Variants in PRRX2 observed in about 807,000 individuals in gnomAD.
PRRX2 encodes the protein paired mesoderm homeobox protein 2.
PRRX2 carries 11 observed loss-of-function variants against 18.0 expected under a neutral mutation model. That is an observed-to-expected ratio of 0.61 (90% CI 0.39 to 1.01). The LOEUF (loss-of-function observed/expected upper bound fraction) is 1.01. Among genes scored for constraint, PRRX2 ranks in the 50% least tolerant of loss-of-function variants. The probability of loss-of-function intolerance (pLI) is 0.01; values close to 1 mark genes in which losing one functional copy is unlikely to be tolerated. For synonymous variants in PRRX2, 177 were observed against 154.8 expected (o/e 1.14, Z -1.06); for missense variants, 387 against 351.0 (o/e 1.10, Z -0.82).
At chr9:129,681,761 G>A (rs1832234723) in intron 1 of PRRX2, among the ~76,000 whole-genome samples, 2 of 151,980 alleles carry the variant, frequency 1.3e-5, no homozygotes, top group South Asian at 2.1e-4. Flanking sequence ...CAGATGGTGT[G>A]GGATGGGAGC....
At position 129,671,782 on chromosome 9, in the gene PRRX2, G is replaced by A. The variant is rs1338491958; in HGVS notation, c.259+5656G>A. Among the ~76,000 whole-genome samples the A allele has an allele frequency of 2.0e-5, 3 of 152,352 alleles. No individual in the cohort carries two copies. Among genetic ancestry groups the A allele is most frequent in the Non-Finnish European group, 2.9e-5 (2 of 68,030 alleles). On this transcript the variant is annotated intron_variant, in intron 1 of 3. Coordinates refer to ENST00000372469, the MANE Select transcript of PRRX2 (RefSeq NM_016307.4). This position sits in a 1 kb window ranked among gnomAD's most constrained non-coding sequence, Gnocchi z 4.0. The stretch of plus-strand genomic sequence containing the variant: ...CCCAGACAGGCAAAGCAACCTGCCC[G>A]AGGCCTCACAGCTGGGAAAGGAGAG...
Position 129,709,050 on chromosome 9 carries a change from TG to T in PRRX2, c.260-10178del, listed in dbSNP as rs1256718643. On this transcript the variant is annotated intron_variant, in intron 1 of 3. Transcript: ENST00000372469. This position sits in a 1 kb window ranked among gnomAD's most constrained non-coding sequence, Gnocchi z 4.2. ...CATAACAAGGAGACCTGCGCTTGTA[TG>T]GGAGCCGGGAAGGCCTCTCAGGGCT... Among the ~76,000 whole-genome samples the T allele has an allele frequency of 6.6e-6, 1 of 152,152 alleles. No homozygotes were observed. The highest frequency in any genetic ancestry group is 1.5e-5 in the Non-Finnish European group (1 of 68,022).
At position 129,683,000 on chromosome 9, in the gene PRRX2, C is replaced by T. The variant is rs543415850; in HGVS notation, c.259+16874C>T. 5.9e-5 allele frequency among the ~76,000 whole-genome samples: 9 copies of T among 152,032 alleles called. No homozygotes were observed. The South Asian group carries it at 1.7e-3, about 28-fold the overall frequency. The stretch of plus-strand genomic sequence containing the variant: ...GCATGCACCTGTAGTCCCAGCTACT[C>T]GGGAGGCTGAGGCAGGAGAATTGCT... On this transcript the variant is annotated intron_variant, in intron 1 of 3. Transcript: ENST00000372469.
intron 1 of PRRX2, among the ~76,000 whole-genome samples, chr9:129,699,885 C>T (rs1832473055): frequency 6.6e-6 from 1 of 152,192 alleles, no homozygotes; most frequent in Non-Finnish European, 1.5e-5. Flanking sequence ...AGCAGCTGTT[C>T]AGGAGAGAGA....
Position 129,719,349 on chromosome 9 carries a change from G to A in PRRX2, c.378G>A (p.Thr126=), listed in dbSNP as rs960508062. The A allele has an allele frequency of 1.3e-6, 2 of 1,588,298 alleles. No individual in the cohort carries two copies. Among genetic ancestry groups the A allele is most frequent in the Non-Finnish European group, 1.7e-6 (2 of 1,168,268 alleles). ...CGCTGGAGCGCGTGTTCGAGCGCAC[G>A]CACTACCCCGACGCCTTTGTGCGCG... is the stretch of plus-strand genomic sequence containing the variant. ...LQALERVFER[T]HYPDAFVREE... is the part of the protein sequence containing the mutation. Residue 126 remains threonine (T), a synonymous_variant, in exon 2 of 4, where the codon ACG becomes ACA. Coordinates refer to ENST00000372469, the MANE Select transcript of PRRX2 (RefSeq NM_016307.4).
intron 1 of PRRX2, 43 bp downstream of exon 1, chr9:129,666,169 C>CGGGGCG: frequency 2.8e-6 from 2 of 715,250 alleles, no homozygotes; most frequent in Non-Finnish European, 3.4e-6. Context: ...GGGCCGGGGC[C>CGGGGCG]GGGGCCGGGG....
chr9:129,669,349 C>T (rs1350728076), intron 1 of PRRX2, among the ~76,000 whole-genome samples: 1 of 152,184 alleles, frequency 6.6e-6, no homozygotes, highest in Non-Finnish European at 1.5e-5. Flanking sequence ...GCACCAGGCA[C>T]GTTAGGAAAA....
At chr9:129,678,735 G>A (rs1167459068) in intron 1 of PRRX2, among the ~76,000 whole-genome samples, 1 of 152,140 alleles carries the variant, frequency 6.6e-6, no homozygotes, top group African/African-American at 2.4e-5. Flanking sequence ...AAGAGCAGTG[G>A]GGATGCGTTC....
At chr9:129,699,038 C>G (rs1212226768) in intron 1 of PRRX2, among the ~76,000 whole-genome samples, 1 of 152,250 alleles carries the variant, frequency 6.6e-6, no homozygotes, top group East Asian at 1.9e-4. Context: ...GTGCCTGTTC[C>G]TCTGACTATG....
At chr9:129,697,775 C>T (rs528686525) in intron 1 of PRRX2, among the ~76,000 whole-genome samples, 1 of 152,252 alleles carries the variant, frequency 6.6e-6, no homozygotes, top group Admixed American at 6.5e-5. Flanking sequence ...ACCTGCCCCC[C>T]TGCTAGCGCC....
At chr9:129,667,412 C>T (rs1030634053) in intron 1 of PRRX2, among the ~76,000 whole-genome samples, 4 of 152,202 alleles carry the variant, frequency 2.6e-5, no homozygotes, top group African/African-American at 9.7e-5. Context: ...TTGAGGACCT[C>T]AGCGGCTCTG....
chr9:129,665,902 A>C lies in PRRX2; in HGVS notation c.35A>C (p.Lys12Thr), dbSNP rs1832013146. ...DSAAAAFALDKPALGPGPPPP... is the reference protein window; with the variant it reads ...DSAAAAFALDTPALGPGPPPP... ...GCGGCCGCCGCCTTCGCCCTGGACA[A>C]GCCGGCGCTGGGCCCGGGGCCGCCG... The change falls in exon 1 of 4, where the codon AAG becomes ACG. Residue 12 changes from lysine (K) to threonine (T), a missense_variant. By Grantham distance (78) the Lys-to-Thr change is moderately conservative (BLOSUM62 -1). Coordinates refer to ENST00000372469, the MANE Select transcript of PRRX2 (RefSeq NM_016307.4). The surrounding 1 kb of genome is among the most constrained non-coding windows in gnomAD (Gnocchi z 5.3). The C allele has an allele frequency of 9.0e-7, 1 of 1,105,206 alleles. No individual in the cohort carries two copies. 68.5% of individuals were successfully genotyped at this position (1,105,206 alleles called of 1,614,324 possible).
intron 3 of PRRX2, among the ~76,000 whole-genome samples, chr9:129,721,803 ACTC>A (rs1271165640): frequency 1.3e-5 from 2 of 151,562 alleles, no homozygotes; most frequent in Non-Finnish European, 2.9e-5. Flanking sequence ...CTGGTCTCGA[ACTC>A]CTGATCTCAG....
At chr9:129,713,216 C>G (rs1255122418) in intron 1 of PRRX2, 3 of 152,232 alleles carry the variant, frequency 2.0e-5, no homozygotes, top group African/African-American at 7.2e-5. Context: ...GCTACAGGGA[C>G]GAAAGGATCA....
At position 129,665,727 on chromosome 9, in the gene PRRX2, G is replaced by C. The variant is rs1832009625; in HGVS notation, c.-141G>C. ...AGTTTGTTTCCCCGACGTCAGCGCCGGGCGGGCCGCGAGGCTAGGAGGCGG... is the reference window on the plus strand; with the variant it reads ...AGTTTGTTTCCCCGACGTCAGCGCCCGGCGGGCCGCGAGGCTAGGAGGCGG... On this transcript the variant is annotated 5_prime_UTR_variant, in exon 1 of 4. Transcript: ENST00000372469. The surrounding 1 kb of genome is among the most constrained non-coding windows in gnomAD (Gnocchi z 5.3). The C allele has an allele frequency of 1.7e-6, 1 of 575,084 alleles. No individual in the cohort carries two copies. The highest frequency in any genetic ancestry group is 7.6e-5 in the South Asian group (1 of 13,124). The allele number at this position is 575,084 out of a possible 1,614,324, so 35.6% of individuals were successfully genotyped here. A position where few individuals can be genotyped will look rare whatever the true frequency, so the allele number is the denominator to read the frequency against.
chr9:129,687,767 G>GCAGA lies in PRRX2; in HGVS notation c.259+21647_259+21650dup, dbSNP rs370322914. On this transcript the variant is annotated intron_variant, in intron 1 of 3. Coordinates refer to ENST00000372469, the MANE Select transcript of PRRX2 (RefSeq NM_016307.4). ...AGCATGGCCCAGGAGACAAGGGCAG[G>GCAGA]CAGACAGACTGGCTCAGACCCTGGC... Among the ~76,000 whole-genome samples the GCAGA allele has an allele frequency of 2.4e-3, 372 of 152,344 alleles. 4 individuals carry two copies. Among genetic ancestry groups the GCAGA allele is most frequent in the African/African-American group, 8.6e-3 (357 of 41,582 alleles).
chr9:129,709,479 AG>A lies in PRRX2; in HGVS notation c.260-9749del, dbSNP rs1832594433. On this transcript the variant is annotated intron_variant, in intron 1 of 3. Coordinates refer to ENST00000372469, the MANE Select transcript of PRRX2 (RefSeq NM_016307.4). This position sits in a 1 kb window ranked among gnomAD's most constrained non-coding sequence, Gnocchi z 4.2. ...GCAGCCACACTGGCTACCGGCCCCC[AG>A]GGCTGGGAGCAGGTCAGAGCACGGC... 6.6e-6 allele frequency among the ~76,000 whole-genome samples: 1 copy of A among 152,154 alleles called. No individual in the cohort carries two copies. The highest frequency in any genetic ancestry group is 6.5e-5 in the Admixed American group (1 of 15,278).
chr9:129,685,135 T>C (rs1832286418), intron 1 of PRRX2, among the ~76,000 whole-genome samples: 1 of 152,160 alleles, frequency 6.6e-6, no homozygotes, highest in Non-Finnish European at 1.5e-5. Flanking sequence ...CAGGAAGCTG[T>C]GGAGGGGTCA....
rs925329616 is a variant in PRRX2, at chr9:129,718,823, C to A, written c.260-408C>A. Among the ~76,000 whole-genome samples, 9 of 152,022 alleles carry A rather than the reference C, an allele frequency of 5.9e-5. 1 individual carries two copies. The highest frequency in any genetic ancestry group is 2.1e-4 in the South Asian group (1 of 4,824). ...GGTGTCCATGCAGAATGTGCCATGC[C>A]CCACAGCCTGGGCCGGGTGCTGGGG... On this transcript the variant is annotated intron_variant, in intron 1 of 3. Coordinates refer to ENST00000372469, the MANE Select transcript of PRRX2 (RefSeq NM_016307.4).
Sources: gnomAD v4.1 joint callset for allele counts (sites outside exome capture counted in the v4.1 genomes callset) on GRCh38, gnomAD v4.1.1 for gene constraint, Gnocchi (gnomAD v3.1) non-coding constraint, MANE v1.5 for transcripts, NCBI Gene and HGNC (gene_info 2026-07-23, HGNC 2026-07-21) for gene names.